NEK10: variants seen among roughly 807,000 people sequenced by gnomAD.
NEK10 encodes the protein NIMA related kinase 10.
A neutral mutation model predicts 159.8 loss-of-function variants in NEK10; 122 were observed. The ratio of observed to expected loss-of-function variants is 0.76; its 90% CI spans 0.66 to 0.89. The LOEUF (loss-of-function observed/expected upper bound fraction) is 0.89. Ranked by LOEUF, NEK10 falls within the 40% of genes least tolerant of loss-of-function variation. The pLI, the probability that NEK10 is intolerant of heterozygous loss-of-function variation, is 0.00. For missense variants in NEK10, 1,342 were observed against 1,323.1 expected (o/e 1.01, Z -0.22); for synonymous variants, 466 against 457.1 (o/e 1.02, Z -0.25).
At chr3:27,119,242 A>T (rs1940941442) in intron 33 of NEK10, among the ~76,000 whole-genome samples, 1 of 152,224 alleles carries the variant, frequency 6.6e-6, no homozygotes, top group African/African-American at 2.4e-5. Context: ...ATAGTCAGCT[A>T]CTAAATGGTT....
intron 12 of NEK10, among the ~76,000 whole-genome samples, chr3:27,304,511 T>C (rs1042155966): frequency 1.3e-5 from 2 of 151,844 alleles, no homozygotes; most frequent in Non-Finnish European, 2.9e-5. Context: ...GTACTGGAGG[T>C]TGGTGATGCA....
intron 1 of NEK10, among the ~76,000 whole-genome samples, chr3:27,365,090 A>G (rs2149903602): frequency 6.6e-6 from 1 of 152,358 alleles, no homozygotes; most frequent in African/African-American, 2.4e-5. Flanking sequence ...GCATTTATCC[A>G]GCTCTCTATT....
chr3:27,175,226 T>G (rs1177366017), intron 26 of NEK10, among the ~76,000 whole-genome samples: 1 of 152,230 alleles, frequency 6.6e-6, no homozygotes, highest in Non-Finnish European at 1.5e-5. Context: ...GTAAGGCTTA[T>G]TCTCTTCAAA....
intron 30 of NEK10, among the ~76,000 whole-genome samples, chr3:27,161,368 C>G (rs1460430509): frequency 3.3e-5 from 5 of 152,158 alleles, no homozygotes; most frequent in Admixed American, 3.3e-4. Flanking sequence ...CTCAAACTGT[C>G]AATAACTCAT....
intron 26 of NEK10, among the ~76,000 whole-genome samples, chr3:27,185,612 A>G (rs925354686): frequency 6.6e-6 from 1 of 152,088 alleles, no homozygotes; most frequent in Non-Finnish European, 1.5e-5. Flanking sequence ...CAGTCCCCAC[A>G]ATCATGTAAG....
In NEK10 at chr3:27,162,219, C is replaced by T. The variant is rs1575059604; in HGVS notation, c.2869+482G>A. The T allele has an allele frequency of 1.1e-5, 6 of 555,014 alleles. No individual in the cohort carries two copies. The East Asian group carries it at 1.3e-4, about 12-fold the overall frequency. 34.4% of individuals were successfully genotyped at this position (555,014 alleles called of 1,614,324 possible). On this transcript the variant is annotated intron_variant, in intron 30 of 35. Transcript: ENST00000691995. ...CAATAGGTCAACTGGTTAACATTCCCGCCACGGCAGAAATGCAAATTTTGG... is the reference window on the plus strand; with the variant it reads ...CAATAGGTCAACTGGTTAACATTCCTGCCACGGCAGAAATGCAAATTTTGG...
At chr3:27,297,267 G>C in intron 13 of NEK10, 27 bp from the exon 14 acceptor site, 1 of 1,509,764 alleles carries the variant, frequency 6.6e-7, no homozygotes, top group African/African-American at 1.4e-5. Context: ...CAAATGCATA[G>C]TGTGCATCAT....
intron 5 of NEK10, 100 bp from the exon 6 acceptor site, chr3:27,322,361 C>T: frequency 1.4e-6 from 1 of 703,210 alleles, no homozygotes. Flanking sequence ...ACGCACTAAG[C>T]ACTTAGTTAA....
chr3:27,333,911 G>T (rs1180011335), intron 5 of NEK10, among the ~76,000 whole-genome samples: 1 of 152,174 alleles, frequency 6.6e-6, no homozygotes, highest in Non-Finnish European at 1.5e-5. Flanking sequence ...ACATCTGCTG[G>T]CCTAGGCTGC....
In NEK10 at chr3:27,110,144, C is replaced by T. The variant is rs1939370049; in HGVS notation, c.*1128G>A. ...ATTACTAATTATGTAGAATAAATTG[C>T]TCTTTAGGTAGCTAGAAGTGTAGAC... On this transcript the variant is annotated 3_prime_UTR_variant, in exon 36 of 36. Coordinates refer to ENST00000691995, the MANE Select transcript of NEK10 (RefSeq NM_001394966.1). 1 of 152,068 alleles carries T rather than the reference C, an allele frequency of 6.6e-6. No homozygotes were observed. Among genetic ancestry groups the T allele is most frequent in the African/African-American group, 2.4e-5 (1 of 41,396 alleles). The allele number at this position is 152,068 out of a possible 1,614,324, so 9.4% of individuals were successfully genotyped here.
intron 23 of NEK10, among the ~76,000 whole-genome samples, chr3:27,240,245 C>T (rs1330069777): frequency 7.9e-5 from 12 of 152,058 alleles, no homozygotes; most frequent in Admixed American, 7.9e-4. Context: ...AAATTCAGAT[C>T]CAACAGCCTT....
At chr3:27,224,861 T>TAGACAA (rs1952464335) in intron 23 of NEK10, among the ~76,000 whole-genome samples, 2 of 152,218 alleles carry the variant, frequency 1.3e-5, no homozygotes, top group Non-Finnish European at 2.9e-5. Context: ...AGACAATATC[T>TAGACAA]GAAAAGCACA....
intron 23 of NEK10, among the ~76,000 whole-genome samples, chr3:27,209,762 G>A (rs1950842338): frequency 6.6e-6 from 1 of 152,142 alleles, no homozygotes; most frequent in Non-Finnish European, 1.5e-5. Flanking sequence ...TGTGTTTAGG[G>A]ACATGCATGT....
chr3:27,298,192 T>C (rs1050496448), intron 13 of NEK10, among the ~76,000 whole-genome samples: 2 of 152,314 alleles, frequency 1.3e-5, no homozygotes, highest in South Asian at 2.1e-4. Flanking sequence ...TCATGAATTG[T>C]AATCCCCACA....
intron 32 of NEK10, among the ~76,000 whole-genome samples, chr3:27,125,203 A>G (rs1323900282): frequency 1.3e-5 from 2 of 152,174 alleles, no homozygotes; most frequent in Admixed American, 1.3e-4. Flanking sequence ...TATTTGGTCA[A>G]TTGAGAATAT....
chr3:27,145,987 T>C lies in NEK10; in HGVS notation c.2870-4405A>G, dbSNP rs186368680. ...AGAAGGCGCCTCTGGTTACTGCAAA[T>C]ACAAAACAATATCTCCTTCCCATAA... On this transcript the variant is annotated intron_variant, in intron 30 of 35. Coordinates refer to ENST00000691995, the MANE Select transcript of NEK10 (RefSeq NM_001394966.1). Among the ~76,000 whole-genome samples the C allele has an allele frequency of 1.1e-3, 169 of 152,270 alleles. 1 individual carries two copies. The highest frequency in any genetic ancestry group is 1.1e-3 in the Non-Finnish European group (73 of 68,016).
intron 22 of NEK10, among the ~76,000 whole-genome samples, chr3:27,268,169 C>T (rs952361614): frequency 1.6e-4 from 24 of 152,086 alleles, no homozygotes; most frequent in Admixed American, 3.3e-4. Context: ...GGTTGGTTCA[C>T]GAGGTTTAAG....
At chr3:27,338,628 G>A (rs1024588901) in intron 5 of NEK10, among the ~76,000 whole-genome samples, 10 of 152,186 alleles carry the variant, frequency 6.6e-5, no homozygotes, top group African/African-American at 1.4e-4. Context: ...TCTAACTGGC[G>A]TGAGATAATA....
chr3:27,346,263 G>T (rs140290083), intron 3 of NEK10, 47 bp from the exon 4 acceptor site: 1 of 1,599,704 alleles, frequency 6.3e-7, no homozygotes, highest in South Asian at 1.1e-5. Flanking sequence ...AATTCAGCAC[G>T]GGATAAAGAA....
Sources: gnomAD v4.1 joint callset for allele counts (sites outside exome capture counted in the v4.1 genomes callset) on GRCh38, gnomAD v4.1.1 for gene constraint, MANE v1.5 for transcripts, NCBI Gene and HGNC (gene_info 2026-07-23, HGNC 2026-07-21) for gene names.